ABCC4: variants seen among roughly 807,000 people sequenced by gnomAD.
ABCC4 encodes ATP binding cassette subfamily C member 4 (PEL blood group).
ABCC4 carries 102 observed loss-of-function variants against 168.5 expected under a neutral mutation model. That is an observed-to-expected ratio of 0.61 (90% CI 0.52 to 0.71). The LOEUF is 0.71. Ranked by LOEUF, ABCC4 falls within the 30% of genes least tolerant of loss-of-function variation. The probability of loss-of-function intolerance (pLI) is 0.00; values close to 1 mark genes in which losing one functional copy is unlikely to be tolerated. For synonymous variants in ABCC4, 617 were observed against 590.7 expected (o/e 1.04, Z -0.65); for missense variants, 1,402 against 1,605.8 (o/e 0.87, Z 2.17).
At chr13:95,086,349 C>G (rs1193184662) in intron 20 of ABCC4, among the ~76,000 whole-genome samples, 7 of 152,040 alleles carry the variant, frequency 4.6e-5, no homozygotes, top group Non-Finnish European at 1.0e-4. Context: ...AAAAGAAGAA[C>G]CACATTTTAA....
chr13:95,296,785 C>G (rs940617511), intron 1 of ABCC4, among the ~76,000 whole-genome samples: 2 of 152,148 alleles, frequency 1.3e-5, no homozygotes, highest in African/African-American at 4.8e-5. Flanking sequence ...CAGGGATTGA[C>G]CCATCTTGTG....
chr13:95,233,120 T>C lies in ABCC4; in HGVS notation c.531+1490A>G, dbSNP rs143116309. ...TATTTGTTTATAGTACCTAATACAATGTATATTTACATTATACAATGTACA... is the reference window on the plus strand; with the variant it reads ...TATTTGTTTATAGTACCTAATACAACGTATATTTACATTATACAATGTACA... On this transcript the variant is annotated intron_variant, in intron 4 of 30. Coordinates refer to ENST00000645237, the MANE Select transcript of ABCC4 (RefSeq NM_005845.5). Among the ~76,000 whole-genome samples, 12 of 152,280 alleles carry C rather than the reference T, an allele frequency of 7.9e-5. No individual in the cohort carries two copies. The East Asian group carries it at 2.3e-3, about 29-fold the overall frequency.
intron 30 of ABCC4, among the ~76,000 whole-genome samples, chr13:95,029,988 TATCCATCCATCCATCCATCC>T (rs71207571): frequency 4.1e-5 from 6 of 146,326 alleles, no homozygotes; most frequent in African/African-American, 1.3e-4. Flanking sequence ...CTTGTCTATC[TATCCATCCATCCATCCATCC>T]ATCCATCCAT....
At chr13:95,071,007 T>C (rs1170335099) in intron 25 of ABCC4, among the ~76,000 whole-genome samples, 1 of 152,112 alleles carries the variant, frequency 6.6e-6, no homozygotes, top group Admixed American at 6.5e-5. Context: ...AGGTCTTTCC[T>C]GTGGTGTTCT....
At chr13:95,222,339 C>G (rs368859167) in intron 4 of ABCC4, among the ~76,000 whole-genome samples, 15 of 152,236 alleles carry the variant, frequency 9.9e-5, no homozygotes, top group African/African-American at 3.6e-4. Context: ...TCTCCAGACA[C>G]CAAGCATTGC....
chr13:95,033,057 C>G (rs1027588925), intron 30 of ABCC4, among the ~76,000 whole-genome samples: 2 of 150,580 alleles, frequency 1.3e-5, no homozygotes, highest in South Asian at 4.2e-4. Flanking sequence ...GCAACCTCCA[C>G]CTCCCAGGTT....
intron 20 of ABCC4, among the ~76,000 whole-genome samples, chr13:95,087,813 C>G (rs2034306233): frequency 6.6e-6 from 1 of 152,198 alleles, no homozygotes; most frequent in East Asian, 1.9e-4. Context: ...GAGGTCAACT[C>G]TGGTTCCCAG....
rs1238097822 is a variant in ABCC4 at position 95,083,188 on chromosome 13, G to A, written c.2638C>T (p.Arg880Ter). ...PLGIIFIFLR[R>*]YFLETSRDVK... The stretch of plus-strand genomic sequence containing the variant: ...TCTCTTGACGTTTCCAAAAAATATC[G>A]CCGAAGAAAAATGAAAATGATTCCA... Residue 880 changes from arginine to a stop codon, truncating the protein, a stop_gained, in exon 21 of 31, where the codon CGA becomes TGA. Transcript: ENST00000645237. LOFTEE classifies it high-confidence loss of function. The A allele has an allele frequency of 3.1e-6, 5 of 1,613,518 alleles. No individual in the cohort carries two copies. Among genetic ancestry groups the A allele is most frequent in the South Asian group, 2.2e-5 (2 of 90,990 alleles).
Position 95,071,827 on chromosome 13 carries a change from T to A in ABCC4, c.3045A>T (p.Glu1015Asp). 1 of 1,588,978 alleles carries A rather than the reference T, an allele frequency of 6.3e-7. No homozygotes were observed. The highest frequency in any genetic ancestry group is 8.5e-7 in the Non-Finnish European group (1 of 1,170,202). Residue 1015 changes from glutamate (E) to aspartate (D), a missense_variant, in exon 25 of 31, where the codon GAA (glutamate) becomes GAT (aspartate). Physicochemically the swap from Glu to Asp is conservative, Grantham distance 45. Around this residue, in one of 3 missense-constraint regions of ABCC4, gnomAD observed 1,007 missense variants for 1,127.3 expected, o/e 0.89. Transcript: ENST00000645237. ...NMMISVERVI[E>D]YTDLEKEAPW... Reference sequence around the variant, plus strand: ...GTGCTTCTTTTTCAAGGTCTGTGTATTCAATGACCCTTTCTACTGAGATCA... The same window carrying A: ...GTGCTTCTTTTTCAAGGTCTGTGTAATCAATGACCCTTTCTACTGAGATCA...
At chr13:95,159,555 T>C (rs562209689) in intron 19 of ABCC4, among the ~76,000 whole-genome samples, 1 of 152,260 alleles carries the variant, frequency 6.6e-6, no homozygotes, top group South Asian at 2.1e-4. Context: ...GGCTGGTTAA[T>C]GGTAGTCATG....
chr13:95,172,549 G>T (rs2037513706), intron 13 of ABCC4, among the ~76,000 whole-genome samples: 1 of 145,390 alleles, frequency 6.9e-6, no homozygotes, highest in Non-Finnish European at 1.5e-5. Flanking sequence ...CTGGGCAACA[G>T]AGCGAGACTC....
At chr13:95,064,540 A>G (rs191630814) in intron 25 of ABCC4, among the ~76,000 whole-genome samples, 72 of 150,384 alleles carry the variant, frequency 4.8e-4, no homozygotes, top group African/African-American at 1.8e-3. Context: ...TGTGGGGCTT[A>G]TGTGTGTTTC....
intron 28 of ABCC4, 112 bp downstream of exon 28, chr13:95,044,154 G>A: frequency 9.2e-7 from 1 of 1,085,502 alleles, no homozygotes; most frequent in Non-Finnish European, 1.3e-6. Flanking sequence ...ATGTTAAAAT[G>A]TTATGTCTGG....
intron 1 of ABCC4, among the ~76,000 whole-genome samples, chr13:95,281,913 G>C (rs61177274): frequency 0.012 from 1,785 of 152,124 alleles, 34 homozygotes; most frequent in African/African-American, 0.04. Context: ...TCGAGACCAG[G>C]CTGGCCAACA....
intron 30 of ABCC4, among the ~76,000 whole-genome samples, chr13:95,026,254 A>AAAAAT (rs1036848888): frequency 3.9e-5 from 6 of 152,160 alleles, no homozygotes; most frequent in Non-Finnish European, 5.9e-5. Flanking sequence ...AGGGAAAATA[A>AAAAAT]AAAATAAAAA....
chr13:95,178,182 T>C (rs2037773345), intron 11 of ABCC4, 91 bp from the exon 12 acceptor site: 1 of 1,154,602 alleles, frequency 8.7e-7, no homozygotes. Flanking sequence ...ATCCTAAACT[T>C]TGCACATTAG....
At chr13:95,244,418 A>G (rs1024390570) in intron 3 of ABCC4, among the ~76,000 whole-genome samples, 1 of 151,204 alleles carries the variant, frequency 6.6e-6, no homozygotes, top group African/African-American at 2.4e-5. Flanking sequence ...CAACATAGTG[A>G]AACAAAAATA....
intron 4 of ABCC4, among the ~76,000 whole-genome samples, chr13:95,211,980 C>A (rs1034375742): frequency 2.8e-4 from 43 of 152,030 alleles, no homozygotes; most frequent in African/African-American, 1.0e-3. Flanking sequence ...AGTTCGAGAT[C>A]AGCCTGGCCA....
At chr13:95,099,281 G>C (rs775617700) in intron 20 of ABCC4, among the ~76,000 whole-genome samples, 3 of 152,148 alleles carry the variant, frequency 2.0e-5, no homozygotes, top group Non-Finnish European at 4.4e-5. Context: ...CCATTTATAC[G>C]TAGTTCAAGA....
Sources: allele counts gnomAD v4.1 joint callset (sites outside exome capture counted in the v4.1 genomes callset), GRCh38; gene constraint gnomAD v4.1.1; regional missense constraint gnomAD v4.1.1; transcripts MANE v1.5; gene names NCBI Gene and HGNC (gene_info 2026-07-23, HGNC 2026-07-21).